The following BAZ2B variants were observed in gnomAD, a reference collection of about 807,000 sequenced individuals.
BAZ2B encodes the protein bromodomain adjacent to zinc finger domain 2B, also known as bromodomain adjacent to zinc finger domain protein 2B.
BAZ2B carries 91 observed loss-of-function variants against 246.0 expected under a neutral mutation model. The observed-to-expected ratio is 0.37, with a 90% CI of 0.31 to 0.44. The LOEUF is 0.44. Among genes scored for constraint, BAZ2B ranks in the 20% least tolerant of loss-of-function variants. The pLI is 1.00. For missense variants in BAZ2B, 2,332 were observed against 2,533.7 expected, an observed-to-expected ratio of 0.92 and a Z score of 1.71; for synonymous variants, 855 against 860.0, an observed-to-expected ratio of 0.99 and a Z score of 0.10.
chr2:159,364,170 A>G (rs2059989069), intron 27 of BAZ2B, among the ~76,000 whole-genome samples: 1 of 152,170 alleles, frequency 6.6e-6, no homozygotes, highest in Admixed American at 6.5e-5. Flanking sequence ...GGAAAAGAGA[A>G]GAGCCTCCAA....
At chr2:159,351,012 C>G (rs1406150902) in intron 27 of BAZ2B, among the ~76,000 whole-genome samples, 1 of 152,070 alleles carries the variant, frequency 6.6e-6, no homozygotes, top group African/African-American at 2.4e-5. Flanking sequence ...ACATATGTAA[C>G]TAACCTGCAC....
At chr2:159,465,913 C>CAA (rs545496023) in intron 3 of BAZ2B, among the ~76,000 whole-genome samples, 4,008 of 129,614 alleles carry the variant, frequency 0.031, 143 homozygotes, top group African/African-American at 0.1. Flanking sequence ...GACCCTGTCT[C>CAA]AAAAAAAAAA....
chr2:159,649,185 G>C, the BAZ2B span, among the ~76,000 whole-genome samples: 3 of 151,850 alleles, frequency 2.0e-5, 1 homozygote, highest in South Asian at 6.2e-4. Flanking sequence ...TCTTATTATT[G>C]AGTTTTGGAA....
At chr2:159,566,556 T>C (rs1458933445) in intron 1 of BAZ2B, among the ~76,000 whole-genome samples, 5 of 152,206 alleles carry the variant, frequency 3.3e-5, no homozygotes, top group African/African-American at 1.2e-4. Flanking sequence ...AATTCTATAA[T>C]TCACCACCTT....
intron 32 of BAZ2B, 34 bp from the exon 33 acceptor site, chr2:159,337,111 T>C (rs769659366): frequency 2.5e-6 from 4 of 1,585,904 alleles, no homozygotes; most frequent in South Asian, 2.3e-5. Flanking sequence ...AAGTAGGTCA[T>C]GTCCACACTT....
intron 17 of BAZ2B, 98 bp from the exon 18 acceptor site, chr2:159,398,992 C>G: frequency 9.0e-7 from 1 of 1,105,422 alleles, no homozygotes; most frequent in Non-Finnish European, 1.3e-6. Flanking sequence ...TCACAAGGTA[C>G]GAAACAGTAT....
intron 27 of BAZ2B, among the ~76,000 whole-genome samples, chr2:159,359,168 G>C (rs1173979885): frequency 6.6e-6 from 1 of 152,126 alleles, no homozygotes; most frequent in Admixed American, 6.6e-5. Context: ...GAATCCAGGA[G>C]CTGGTTTTTT....
chr2:159,682,909 T>TCCCCCCC, the BAZ2B span, among the ~76,000 whole-genome samples: 2 of 131,704 alleles, frequency 1.5e-5, no homozygotes, highest in East Asian at 2.7e-4. Flanking sequence ...CTGCCACCCC[T>TCCCCCCC]CCCCCCCCCC....
the BAZ2B span, among the ~76,000 whole-genome samples, chr2:159,709,690 C>A: frequency 6.6e-6 from 1 of 152,218 alleles, no homozygotes; most frequent in African/African-American, 2.4e-5. Context: ...ACTACCCTTG[C>A]CAAAGAGAAG....
intron 27 of BAZ2B, among the ~76,000 whole-genome samples, chr2:159,372,722 T>C (rs1434756003): frequency 1.3e-5 from 2 of 152,110 alleles, no homozygotes; most frequent in African/African-American, 4.8e-5. Context: ...AAACCACTTA[T>C]TGGGAAGTTT....
chr2:159,399,661 A>G (rs76096577), intron 17 of BAZ2B, among the ~76,000 whole-genome samples: 8,229 of 152,234 alleles, frequency 0.054, 303 homozygotes, highest in Middle Eastern at 0.14. Context: ...CCGGTTTTTA[A>G]AATTAATTTG....
intron 2 of BAZ2B, among the ~76,000 whole-genome samples, chr2:159,543,743 C>G (rs2086944947): frequency 6.6e-6 from 1 of 152,168 alleles, no homozygotes; most frequent in African/African-American, 2.4e-5. Flanking sequence ...GCCATGTTGG[C>G]CAGGCTGGTC....
At chr2:159,372,101 T>C (rs1441247223) in intron 27 of BAZ2B, among the ~76,000 whole-genome samples, 1 of 152,208 alleles carries the variant, frequency 6.6e-6, no homozygotes, top group Non-Finnish European at 1.5e-5. Flanking sequence ...TATTTTCTAT[T>C]AGAGTCATCT....
chr2:159,404,933 T>G, intron 15 of BAZ2B, 23 bp from the exon 16 acceptor site: 2 of 1,612,994 alleles, frequency 1.2e-6, no homozygotes, highest in Non-Finnish European at 1.7e-6. Context: ...AAAGGATAGA[T>G]ATCATCAAAA....
At chr2:159,413,122 T>C (rs1559323344) in intron 13 of BAZ2B, among the ~76,000 whole-genome samples, 1 of 152,278 alleles carries the variant, frequency 6.6e-6, no homozygotes, top group Non-Finnish European at 1.5e-5. Context: ...TGGAGGCTCA[T>C]ACAATCACCT....
At chr2:159,421,347 T>C (rs1409392256) in intron 13 of BAZ2B, among the ~76,000 whole-genome samples, 1 of 151,968 alleles carries the variant, frequency 6.6e-6, no homozygotes, top group African/African-American at 2.4e-5. Flanking sequence ...GGTAATATTT[T>C]TATTTTTTGT....
At chr2:159,626,199 A>G in the BAZ2B span, among the ~76,000 whole-genome samples, 1 of 152,144 alleles carries the variant, frequency 6.6e-6, no homozygotes, top group Non-Finnish European at 1.5e-5. Flanking sequence ...GAGACCTACA[A>G]AGAGACTTAG....
chr2:159,589,720 T>C (rs1688851682), intron 1 of BAZ2B, among the ~76,000 whole-genome samples: 1 of 152,222 alleles, frequency 6.6e-6, no homozygotes, highest in African/African-American at 2.4e-5. Context: ...AGGATATTAG[T>C]AAATGTATAT....
At chr2:159,326,434 G>T (rs2063717854) in intron 34 of BAZ2B, among the ~76,000 whole-genome samples, 1 of 152,188 alleles carries the variant, frequency 6.6e-6, no homozygotes, top group South Asian at 2.1e-4. Context: ...TTTTTTCCTG[G>T]ATAAAAGATA....
Sources: gnomAD v4.1 joint callset for allele counts (sites outside exome capture counted in the v4.1 genomes callset) on GRCh38, gnomAD v4.1.1 for gene constraint, MANE v1.5 for transcripts, NCBI Gene and HGNC (gene_info 2026-07-23, HGNC 2026-07-21) for gene names.